Variants in SOX5 observed in about 807,000 individuals in gnomAD.
The protein encoded by SOX5 is SRY-box transcription factor 5, also known as transcription factor SOX-5.
A neutral mutation model predicts 92.0 loss-of-function variants in SOX5; 9 were observed. The ratio of observed to expected loss-of-function variants is 0.10; its 90% CI spans 0.06 to 0.17. The LOEUF (loss-of-function observed/expected upper bound fraction) is 0.17. Among genes scored for constraint, SOX5 ranks in the 10% least tolerant of loss-of-function variants. The pLI is 1.00. For missense variants in SOX5, 642 were observed against 944.5 expected (o/e 0.68, Z 4.20); for synonymous variants, 344 against 336.3 (o/e 1.02, Z -0.25).
At chr12:23,646,213 C>T (rs1041696572) in intron 7 of SOX5, among the ~76,000 whole-genome samples, 7 of 152,052 alleles carry the variant, frequency 4.6e-5, no homozygotes, top group African/African-American at 2.4e-5. Context: ...CTGGCTATGT[C>T]GCCCAGGGTG....
intron 4 of SOX5, among the ~76,000 whole-genome samples, chr12:23,984,757 C>T (rs536607337): frequency 9.9e-4 from 151 of 152,284 alleles, no homozygotes; most frequent in African/African-American, 3.4e-3. Flanking sequence ...ATTTTATTAG[C>T]ACTAAATGCT....
chr12:24,206,611 G>A (rs895089535), intron 4 of SOX5, among the ~76,000 whole-genome samples: 18 of 151,816 alleles, frequency 1.2e-4, no homozygotes, highest in African/African-American at 4.4e-4. Flanking sequence ...TTTATCAGCA[G>A]ATCCACTGGT....
At chr12:23,845,962 G>GA in intron 3 of SOX5, 21 bp downstream of exon 3, 1 of 1,591,296 alleles carries the variant, frequency 6.3e-7, no homozygotes, top group Non-Finnish European at 8.6e-7. Flanking sequence ...CATCAACTTT[G>GA]TTTTCTCTTC....
chr12:23,725,009 T>C (rs1485480365), intron 6 of SOX5, among the ~76,000 whole-genome samples: 1 of 152,184 alleles, frequency 6.6e-6, no homozygotes, highest in Admixed American at 6.5e-5. Flanking sequence ...ATTTGACAGA[T>C]GTTGGACAGA....
intron 3 of SOX5, among the ~76,000 whole-genome samples, chr12:23,810,048 C>T (rs557297017): frequency 9.5e-4 from 145 of 152,124 alleles, no homozygotes; most frequent in African/African-American, 3.2e-3. Flanking sequence ...TGAGTATTTT[C>T]GTGAAAGAGA....
At chr12:23,550,761 T>G (rs1944044324) in intron 11 of SOX5, among the ~76,000 whole-genome samples, 1 of 151,906 alleles carries the variant, frequency 6.6e-6, no homozygotes, top group African/African-American at 2.4e-5. Context: ...AAATTTTCCC[T>G]GCTCCATTAT....
At chr12:24,159,181 T>TATCC (rs10557672) in intron 4 of SOX5, among the ~76,000 whole-genome samples, 115 of 151,500 alleles carry the variant, frequency 7.6e-4, no homozygotes, top group African/African-American at 2.3e-3. Context: ...CTCACTCATC[T>TATCC]ATCCATCCAT....
intron 3 of SOX5, among the ~76,000 whole-genome samples, chr12:24,273,922 C>G (rs1944101754): frequency 6.6e-6 from 1 of 152,032 alleles, no homozygotes; most frequent in Admixed American, 6.5e-5. Flanking sequence ...GTTGTGATTT[C>G]TTTTTAATTG....
At chr12:23,816,924 T>C (rs953247296) in intron 3 of SOX5, among the ~76,000 whole-genome samples, 1 of 152,210 alleles carries the variant, frequency 6.6e-6, no homozygotes, top group African/African-American at 2.4e-5. Flanking sequence ...TCTACTCTCA[T>C]ATCACTGAGG....
intron 6 of SOX5, among the ~76,000 whole-genome samples, chr12:23,706,698 A>G (rs1363139165): frequency 6.6e-6 from 1 of 152,090 alleles, no homozygotes; most frequent in African/African-American, 2.4e-5. Context: ...TCAAATAAAT[A>G]GTATTTTAAT....
At chr12:23,795,388 C>T (rs765931848) in intron 3 of SOX5, among the ~76,000 whole-genome samples, 7 of 151,930 alleles carry the variant, frequency 4.6e-5, no homozygotes, top group South Asian at 2.1e-4. Flanking sequence ...AGTTATATTA[C>T]GACTTTAAAT....
At chr12:24,010,866 G>T (rs936985978) in intron 4 of SOX5, among the ~76,000 whole-genome samples, 4 of 151,870 alleles carry the variant, frequency 2.6e-5, no homozygotes, top group Non-Finnish European at 5.9e-5. Context: ...TTGAACCTGG[G>T]AGGCAGACGC....
intron 1 of SOX5, among the ~76,000 whole-genome samples, chr12:23,918,398 C>G (rs992510532): frequency 1.3e-5 from 2 of 152,128 alleles, no homozygotes; most frequent in Non-Finnish European, 2.9e-5. Flanking sequence ...TAAGAAGGGA[C>G]TAAGTCTTAA....
At chr12:24,511,461 T>C (rs1014064347) in intron 1 of SOX5, among the ~76,000 whole-genome samples, 11 of 152,208 alleles carry the variant, frequency 7.2e-5, no homozygotes, top group Admixed American at 2.6e-4. Flanking sequence ...TTGATCAAAC[T>C]GCATCAATGT....
Position 24,301,098 on chromosome 12 carries a change from C to G in SOX5, c.-173-23786G>C, listed in dbSNP as rs142936478. Reference sequence around the variant, plus strand: ...AGCCAGCAGCTGCCATAACCTTCTGCCACGCGGAAGACCCAGGGACAAGCA... The same window carrying G: ...AGCCAGCAGCTGCCATAACCTTCTGGCACGCGGAAGACCCAGGGACAAGCA... On this transcript the variant is annotated intron_variant, in intron 2 of 4. Coordinates refer to the SOX5 transcript ENST00000446891. Among the ~76,000 whole-genome samples, 31 of 152,296 alleles carry G rather than the reference C, an allele frequency of 2.0e-4. No homozygotes were observed. The East Asian group carries it at 5.8e-3, about 28-fold the overall frequency.
At chr12:23,703,727 GACAC>G (rs61366137) in intron 6 of SOX5, among the ~76,000 whole-genome samples, 3 of 148,700 alleles carry the variant, frequency 2.0e-5, no homozygotes, top group Admixed American at 6.8e-5. Context: ...TTTCTCAGGG[GACAC>G]ACACACACAC....
chr12:24,496,511 T>C (rs1026180598), intron 1 of SOX5, among the ~76,000 whole-genome samples: 1 of 152,196 alleles, frequency 6.6e-6, no homozygotes. Flanking sequence ...TGGCTCAGCT[T>C]ACCCTAACTT....
chr12:24,369,199 T>G (rs773724778), intron 1 of SOX5, among the ~76,000 whole-genome samples: 2 of 152,200 alleles, frequency 1.3e-5, no homozygotes, highest in Non-Finnish European at 1.5e-5. Flanking sequence ...GCATCTGCCT[T>G]CAGCTATGAG....
chr12:24,453,087 G>A (rs1942546177), intron 1 of SOX5, among the ~76,000 whole-genome samples: 1 of 152,032 alleles, frequency 6.6e-6, no homozygotes, highest in African/African-American at 2.4e-5. Context: ...ACCTTTCTCT[G>A]ATGACAGGAG....
Sources: allele counts gnomAD v4.1 joint callset (sites outside exome capture counted in the v4.1 genomes callset), GRCh38; gene constraint gnomAD v4.1.1; transcripts MANE v1.5; gene names NCBI Gene and HGNC (gene_info 2026-07-23, HGNC 2026-07-21).